The following NRF1 variants were observed in gnomAD, a reference collection of about 807,000 sequenced individuals.
NRF1 encodes nuclear respiratory factor 1.
In NRF1, 5 loss-of-function variants were observed where a neutral mutation model predicts 58.5. The ratio of observed to expected loss-of-function variants is 0.09; its 90% CI spans 0.04 to 0.18. The LOEUF (loss-of-function observed/expected upper bound fraction) is 0.18, where lower values mean the gene tolerates loss of function less well. Ranked by LOEUF, NRF1 falls within the 10% of genes least tolerant of loss-of-function variation. NRF1 has a pLI of 1.00. For missense variants in NRF1, 288 were observed against 657.7 expected (o/e 0.44, Z 6.15); for synonymous variants, 224 against 246.7 (o/e 0.91, Z 0.86).
chr7:129,747,938 T>C (rs998816558), intron 10 of NRF1, among the ~76,000 whole-genome samples: 6 of 152,190 alleles, frequency 3.9e-5, no homozygotes, highest in Non-Finnish European at 8.8e-5. Flanking sequence ...TCATATCATA[T>C]TCAATTATTG....
At chr7:129,616,835 T>A (rs1422341208) in intron 1 of NRF1, among the ~76,000 whole-genome samples, 1 of 151,990 alleles carries the variant, frequency 6.6e-6, no homozygotes. Flanking sequence ...TAAGGAGAAG[T>A]GTGTGTGTGT....
chr7:129,620,629 G>T (rs892228817), intron 1 of NRF1, among the ~76,000 whole-genome samples: 1 of 151,922 alleles, frequency 6.6e-6, no homozygotes, highest in African/African-American at 2.4e-5. Flanking sequence ...CTTGTGATCC[G>T]CCCGCCTTGG....
intron 1 of NRF1, among the ~76,000 whole-genome samples, chr7:129,619,396 G>GTGTATA (rs1491323365): frequency 8.4e-5 from 4 of 47,364 alleles, no homozygotes; most frequent in Admixed American, 6.9e-4. Flanking sequence ...TGGCATACGT[G>GTGTATA]TATATATATA....
chr7:129,654,138 G>A (rs6953987), intron 1 of NRF1, among the ~76,000 whole-genome samples: 45,773 of 152,120 alleles, frequency 0.3, 8,509 homozygotes, highest in Non-Finnish European at 0.43. Context: ...AGCGTTTGGT[G>A]TTGGCAGTGT....
Position 129,729,880 on chromosome 7 carries a change from C to G in NRF1, c.1348+2515C>G, listed in dbSNP as rs1188061689. Among the ~76,000 whole-genome samples the G allele has an allele frequency of 2.0e-5, 3 of 152,146 alleles. No homozygotes were observed. In the East Asian group the frequency reaches 5.8e-4, roughly 29 times the overall value. ...TGAGACAGAGTCTTGCTCTGTCACCCAGGCTGGAGTGCAGTGGCACAATCT... is the reference window on the plus strand; with the variant it reads ...TGAGACAGAGTCTTGCTCTGTCACCGAGGCTGGAGTGCAGTGGCACAATCT... On this transcript the variant is annotated intron_variant, in intron 10 of 10. Coordinates refer to ENST00000393232, the MANE Select transcript of NRF1 (RefSeq NM_005011.5).
At chr7:129,696,998 T>C (rs1802713783) in intron 5 of NRF1, among the ~76,000 whole-genome samples, 1 of 152,098 alleles carries the variant, frequency 6.6e-6, no homozygotes, top group African/African-American at 2.4e-5. Flanking sequence ...TAAAATTTGG[T>C]GTAGGAAAAT....
chr7:129,665,645 A>G (rs1409141460), intron 2 of NRF1, among the ~76,000 whole-genome samples: 1 of 151,996 alleles, frequency 6.6e-6, no homozygotes, highest in African/African-American at 2.4e-5. Flanking sequence ...TTTTTTTGAG[A>G]CAGGGTTTCA....
At chr7:129,739,499 T>C (rs1803797787) in intron 10 of NRF1, among the ~76,000 whole-genome samples, 1 of 151,686 alleles carries the variant, frequency 6.6e-6, no homozygotes, top group East Asian at 1.9e-4. Context: ...AGCTTTGTCT[T>C]CCAGTGACCT....
chr7:129,667,658 ATTC>A (rs1197505308), intron 2 of NRF1, among the ~76,000 whole-genome samples: 1 of 151,826 alleles, frequency 6.6e-6, no homozygotes, highest in African/African-American at 2.4e-5. Flanking sequence ...TGTTTAAGGA[ATTC>A]TTCTTAACTC....
intron 4 of NRF1, among the ~76,000 whole-genome samples, chr7:129,683,308 T>TGA (rs1249992360): frequency 4.9e-5 from 7 of 143,004 alleles, no homozygotes; most frequent in African/African-American, 1.6e-4. Flanking sequence ...TGTGTGTGTG[T>TGA]GTGTGTGTGT....
intron 2 of NRF1, among the ~76,000 whole-genome samples, chr7:129,658,240 T>C (rs74670491): frequency 0.024 from 3,729 of 152,310 alleles, 54 homozygotes; most frequent in Middle Eastern, 0.075. Context: ...TTGAAAGTTA[T>C]AAGCTTTTAC....
chr7:129,726,601 A>C (rs1167840235), intron 9 of NRF1, among the ~76,000 whole-genome samples: 1 of 152,212 alleles, frequency 6.6e-6, no homozygotes, highest in East Asian at 1.9e-4. Context: ...ATAATTTTAA[A>C]CTTTAAGTCT....
intron 1 of NRF1, among the ~76,000 whole-genome samples, chr7:129,634,329 G>A (rs556324751): frequency 6.6e-6 from 1 of 152,132 alleles, no homozygotes; most frequent in South Asian, 2.1e-4. Context: ...TAATCCAGAA[G>A]TCTCCTGGTG....
intron 5 of NRF1, among the ~76,000 whole-genome samples, chr7:129,691,496 A>G (rs1802567737): frequency 6.6e-6 from 1 of 151,144 alleles, no homozygotes; most frequent in Admixed American, 6.6e-5. Context: ...CTGTGATTAT[A>G]GGTGCGGGCT....
At chr7:129,753,903 A>G (rs553486891) in intron 10 of NRF1, among the ~76,000 whole-genome samples, 290 of 152,330 alleles carry the variant, frequency 1.9e-3, no homozygotes, top group Non-Finnish European at 3.4e-3. Flanking sequence ...GGAGAGGGAC[A>G]AGATTTTTCT....
chr7:129,612,904 G>A (rs1800570348), intron 1 of NRF1, among the ~76,000 whole-genome samples: 1 of 152,192 alleles, frequency 6.6e-6, no homozygotes, highest in African/African-American at 2.4e-5. Flanking sequence ...TAATACTTGG[G>A]GGGCTTCCAG....
At chr7:129,699,833 T>C (rs528385385) in intron 5 of NRF1, among the ~76,000 whole-genome samples, 19 of 151,870 alleles carry the variant, frequency 1.3e-4, no homozygotes, top group Admixed American at 1.1e-3. Context: ...TTGTTTGAGA[T>C]GATAATTTTA....
At chr7:129,721,590 T>A (rs1803324684) in intron 9 of NRF1, among the ~76,000 whole-genome samples, 1 of 151,726 alleles carries the variant, frequency 6.6e-6, no homozygotes, top group Admixed American at 6.6e-5. Flanking sequence ...CACACCATTC[T>A]CCTGCCTCGG....
intron 1 of NRF1, among the ~76,000 whole-genome samples, chr7:129,655,765 A>G (rs1177827604): frequency 1.3e-5 from 2 of 152,104 alleles, no homozygotes; most frequent in East Asian, 3.9e-4. Flanking sequence ...CAGGTGATAC[A>G]CCTGCCTCGG....
Sources: gnomAD v4.1 joint callset for allele counts (sites outside exome capture counted in the v4.1 genomes callset) on GRCh38, gnomAD v4.1.1 for gene constraint, MANE v1.5 for transcripts, NCBI Gene and HGNC (gene_info 2026-07-23, HGNC 2026-07-21) for gene names.